PCNT: variants seen among roughly 807,000 people sequenced by gnomAD.
The protein encoded by PCNT is pericentrin.
Under a neutral mutation model 380.4 loss-of-function variants are expected in PCNT, and 319 were observed. The observed-to-expected ratio is 0.84, with a 90% CI of 0.77 to 0.92. The LOEUF (loss-of-function observed/expected upper bound fraction) is 0.92, where lower values mean the gene tolerates loss of function less well. PCNT is among the 40% of genes least tolerant of loss of function. The pLI is 0.00. For synonymous variants in PCNT, 1,845 were observed against 1,735.2 expected, an observed-to-expected ratio of 1.06 and a Z score of -1.57; for missense variants, 4,400 against 4,255.3, an observed-to-expected ratio of 1.03 and a Z score of -0.95.
At position 46,391,323 on chromosome 21, in the gene PCNT, G is replaced by A. The variant is rs775895650; in HGVS notation, c.4163G>A (p.Arg1388His). ...EQAALREECT[R>H]LWSRGEATAT... is the part of the protein sequence containing the mutation. ...GCGGCGCTGAGGGAGGAGTGCACCC[G>A]TCTGTGGAGTCGGGGGGAGGCCACA... Residue 1388 changes from arginine (R) to histidine (H), a missense_variant, in exon 21 of 47, where the codon CGT (arginine) becomes CAT (histidine). Physicochemically the swap from Arg to His is conservative, Grantham distance 29. Coordinates refer to ENST00000359568, the MANE Select transcript of PCNT (RefSeq NM_006031.6). 37 of 1,560,438 alleles carry A rather than the reference G, an allele frequency of 2.4e-5. 1 individual carries two copies. In the African/African-American group the frequency reaches 2.7e-4, roughly 11 times the overall value.
chr21:46,324,169 C>G lies in PCNT; in HGVS notation c.-60C>G. Reference sequence around the variant, plus strand: ...CGCGGGGGAGGGAGTGTAAATAGAGCGAAGGCTGCTCTGTGTCAGCCCCGT... The same window carrying G: ...CGCGGGGGAGGGAGTGTAAATAGAGGGAAGGCTGCTCTGTGTCAGCCCCGT... On this transcript the variant is annotated 5_prime_UTR_variant, in exon 1 of 47. Transcript: ENST00000359568. The G allele has an allele frequency of 7.0e-7, 1 of 1,433,706 alleles. No homozygotes were observed. Among genetic ancestry groups the G allele is most frequent in the Non-Finnish European group, 9.7e-7 (1 of 1,028,674 alleles). 88.8% of individuals were successfully genotyped at this position (1,433,706 alleles called of 1,614,324 possible). A position where few individuals can be genotyped will look rare whatever the true frequency, so the allele number is the denominator to read the frequency against.
At chr21:46,357,224 G>A (rs1261834302) in intron 13 of PCNT, 33 bp downstream of exon 13, 19 of 1,440,804 alleles carry the variant, frequency 1.3e-5, no homozygotes, top group South Asian at 2.3e-5. Flanking sequence ...AGCGCCTCCC[G>A]CCCGAGTCCT....
chr21:46,371,034 C>A (rs2085106428), intron 15 of PCNT, among the ~76,000 whole-genome samples: 1 of 151,380 alleles, frequency 6.6e-6, no homozygotes, highest in Admixed American at 6.6e-5. Flanking sequence ...GACTCCGTCT[C>A]AAAAAATATA....
Position 46,346,724 on chromosome 21 carries a change from G to T in PCNT, c.721-19G>T. 1 of 1,589,968 alleles carries T rather than the reference G, an allele frequency of 6.3e-7. No individual in the cohort carries two copies. Among genetic ancestry groups the T allele is most frequent in the Non-Finnish European group, 8.5e-7 (1 of 1,169,676 alleles). On this transcript the variant is annotated intron_variant, in intron 4 of 46. Coordinates refer to ENST00000359568, the MANE Select transcript of PCNT (RefSeq NM_006031.6). ...GTTCTGACCATGGGCCCTTATCAGA[G>T]GCCTTTTCTCCGCCGCAGGCCGTGC...
At chr21:46,396,192 G>A (rs959125026) in intron 21 of PCNT, among the ~76,000 whole-genome samples, 28 of 152,332 alleles carry the variant, frequency 1.8e-4, no homozygotes, top group African/African-American at 6.7e-4. Flanking sequence ...CCGGGGCTTC[G>A]CCACCCCAGG....
chr21:46,337,830 C>G (rs544690588), intron 3 of PCNT, among the ~76,000 whole-genome samples: 1 of 152,072 alleles, frequency 6.6e-6, no homozygotes, highest in Non-Finnish European at 1.5e-5. Flanking sequence ...GATCCGCCCC[C>G]ACCTCGGCCT....
chr21:46,368,895 C>T (rs2085021846), intron 15 of PCNT, among the ~76,000 whole-genome samples: 2 of 152,260 alleles, frequency 1.3e-5, no homozygotes, highest in African/African-American at 4.8e-5. Flanking sequence ...ACGTTGATTT[C>T]CTGATACCAG....
At chr21:46,429,259 G>A (rs2087640129) in intron 35 of PCNT, among the ~76,000 whole-genome samples, 2 of 148,542 alleles carry the variant, frequency 1.3e-5, no homozygotes. Context: ...GGTGGGGCTG[G>A]CGCTGTGCAA....
At chr21:46,325,204 C>T (rs1217366494) in intron 1 of PCNT, 2 of 985,260 alleles carry the variant, frequency 2.0e-6, no homozygotes, top group Middle Eastern at 5.2e-4. Context: ...AGGCCGGCCT[C>T]TGCGAGGTGC....
At chr21:46,430,763 C>A in intron 37 of PCNT, 106 bp downstream of exon 37, 1 of 1,539,528 alleles carries the variant, frequency 6.5e-7, no homozygotes. Flanking sequence ...TGGCAGTGCA[C>A]CCAGTTGACA....
intron 38 of PCNT, among the ~76,000 whole-genome samples, chr21:46,433,894 C>T (rs1246726022): frequency 1.3e-5 from 2 of 152,184 alleles, no homozygotes; most frequent in Non-Finnish European, 2.9e-5. Context: ...GCCTCAGCCT[C>T]CTGAGTAGCT....
intron 36 of PCNT, 110 bp from the exon 37 acceptor site, chr21:46,430,397 A>G: frequency 2.1e-6 from 3 of 1,452,740 alleles, no homozygotes; most frequent in Non-Finnish European, 2.8e-6. Context: ...TGGGGGGTGA[A>G]GCACACGTGT....
Position 46,426,081 on chromosome 21 carries a change from T to TTC in PCNT, c.7320+111_7320+112insCT, listed in dbSNP as rs1569291420. On this transcript the variant is annotated intron_variant, in intron 33 of 46. Transcript: ENST00000359568. The stretch of plus-strand genomic sequence containing the variant: ...CTAGGATTTCTTTCTTTTTTTTTTT[T>TTC]TTTTTTTTTTTTTTTGAGACTCGGC... The TTC allele has an allele frequency of 5.1e-4, 543 of 1,064,274 alleles. 20 individuals are homozygous for TTC. Among genetic ancestry groups the TTC allele is most frequent in the Middle Eastern group, 9.0e-4 (3 of 3,338 alleles). The allele number at this position is 1,064,274 out of a possible 1,614,324, so 65.9% of individuals were successfully genotyped here. A position where few individuals can be genotyped will look rare whatever the true frequency, so the allele number is the denominator to read the frequency against.
At position 46,411,452 on chromosome 21, in the gene PCNT, G is replaced by A; in HGVS notation, c.5379G>A (p.Glu1793=). ...GGCAGGCCCTACAGGGCGAGCTCGA[G>A]GCTGCGCTGGAAGCCAAGGAGGCCC... ...PRGQALQGEL[E]AALEAKEALS... The change falls in exon 28 of 47, where the codon GAG becomes GAA. Residue 1793 remains glutamate (E), a synonymous_variant. Coordinates refer to ENST00000359568, the MANE Select transcript of PCNT (RefSeq NM_006031.6). 6.2e-7 allele frequency: 1 copy of A among 1,611,118 alleles called. No homozygotes were observed. Among genetic ancestry groups the A allele is most frequent in the Middle Eastern group, 1.7e-4 (1 of 5,834 alleles).
Position 46,355,468 on chromosome 21 carries a change from T to C in PCNT, c.1778T>C (p.Phe593Ser). Reference protein sequence around the residue: ...PERHKESLPRFQAELEESHRH... With the variant: ...PERHKESLPRSQAELEESHRH... ...TCTCTGTAGGAGAGCCTGCCACGCT[T>C]CCAGGCGGAGTTAGAAGAAAGCCAC... The change falls in exon 12 of 47, where the codon TTC becomes TCC. Residue 593 changes from phenylalanine (F) to serine (S), a missense_variant. Coordinates refer to ENST00000359568, the MANE Select transcript of PCNT (RefSeq NM_006031.6). 1 of 1,613,960 alleles carries C rather than the reference T, an allele frequency of 6.2e-7. No individual in the cohort carries two copies. Among genetic ancestry groups the C allele is most frequent in the African/African-American group, 1.3e-5 (1 of 75,066 alleles).
rs1464394141 is a variant in PCNT at position 46,382,453 on chromosome 21, G to A, written c.3312+613G>A. 2.1e-4 allele frequency among the ~76,000 whole-genome samples: 30 copies of A among 145,954 alleles called. 2 individuals carry two copies. Among genetic ancestry groups the A allele is most frequent in the Admixed American group, 1.5e-3 (21 of 14,432 alleles). ...GTGTTGTATATTCAGTGGCGGAAGC[G>A]CATTCACCATGTTGTATATTCAGTG... is the stretch of plus-strand genomic sequence containing the variant. On this transcript the variant is annotated intron_variant, in intron 16 of 46. Transcript: ENST00000359568.
chr21:46,365,848 A>AGTG (rs1569205385), intron 14 of PCNT, among the ~76,000 whole-genome samples: 1 of 99,930 alleles, frequency 1.0e-5, no homozygotes, highest in Non-Finnish European at 1.8e-5. Flanking sequence ...TCACTGCCAC[A>AGTG]GGGTTCTGTT....
intron 2 of PCNT, among the ~76,000 whole-genome samples, chr21:46,334,065 C>A (rs945817733): frequency 1.3e-5 from 2 of 151,866 alleles, no homozygotes; most frequent in Non-Finnish European, 2.9e-5. Flanking sequence ...ATTAGCTGGG[C>A]GTGGTGGCGG....
Position 46,430,078 on chromosome 21 carries a change from G to A in PCNT, c.7759G>A (p.Glu2587Lys), listed in dbSNP as rs776138486. The change falls in exon 36 of 47, where the codon GAA becomes AAA. Residue 2587 changes from glutamate (E) to lysine (K), a missense_variant. Glu to Lys is a moderately conservative substitution (Grantham distance 56). Coordinates refer to ENST00000359568, the MANE Select transcript of PCNT (RefSeq NM_006031.6). ...IAGDLQKTLS[E>K]EQEKANSVQK... Reference sequence around the variant, plus strand: ...TGGTGACTTGCAGAAGACGCTGAGTGAAGAGCAAGAGAAGGCAAACAGCGT... The same window carrying A: ...TGGTGACTTGCAGAAGACGCTGAGTAAAGAGCAAGAGAAGGCAAACAGCGT... 2 of 1,614,106 alleles carry A rather than the reference G, an allele frequency of 1.2e-6. No homozygotes were observed. The highest frequency in any genetic ancestry group is 2.7e-5 in the African/African-American group (2 of 74,936).
Sources: allele counts gnomAD v4.1 joint callset (sites outside exome capture counted in the v4.1 genomes callset), GRCh38; gene constraint gnomAD v4.1.1; transcripts MANE v1.5; gene names NCBI Gene and HGNC (gene_info 2026-07-23, HGNC 2026-07-21).